The following KCNH8 variants were observed in gnomAD, a reference collection of about 807,000 sequenced individuals.
KCNH8 encodes potassium voltage-gated channel subfamily H member 8.
A neutral mutation model predicts 103.6 loss-of-function variants in KCNH8; 70 were observed. That is an observed-to-expected ratio of 0.68 (90% CI 0.56 to 0.82). KCNH8 has a LOEUF of 0.82. Ranked by LOEUF, KCNH8 falls within the 40% of genes least tolerant of loss-of-function variation. The pLI, the probability that KCNH8 is intolerant of heterozygous loss-of-function variation, is 0.00. For synonymous variants in KCNH8, 498 were observed against 489.4 expected, an observed-to-expected ratio of 1.02 and a Z score of -0.23; for missense variants, 1,217 against 1,329.9, an observed-to-expected ratio of 0.92 and a Z score of 1.32.
chr3:19,215,333 C>G (rs1035834936), intron 1 of KCNH8, among the ~76,000 whole-genome samples: 3 of 152,216 alleles, frequency 2.0e-5, no homozygotes, highest in African/African-American at 4.8e-5. Context: ...GCACCACACA[C>G]TAGCACTTAT....
intron 7 of KCNH8, among the ~76,000 whole-genome samples, chr3:19,437,251 G>T (rs1319984895): frequency 5.9e-5 from 9 of 151,930 alleles, no homozygotes; most frequent in Admixed American, 5.9e-4. Flanking sequence ...CATAGAGAAA[G>T]AATTATAAAA....
intron 2 of KCNH8, among the ~76,000 whole-genome samples, chr3:19,274,877 ACCCCT>A (rs375870094): frequency 8.7e-4 from 15 of 17,146 alleles, no homozygotes; most frequent in African/African-American, 5.5e-3. Context: ...TCCCCTCCCC[ACCCCT>A]CCCCTCCCCT....
rs1013300539 is a variant in KCNH8 at position 19,284,400 on chromosome 3, G to A, written c.442+3071G>A. 9.2e-5 allele frequency among the ~76,000 whole-genome samples: 14 copies of A among 152,080 alleles called. 1 individual carries two copies. Among genetic ancestry groups the A allele is most frequent in the Admixed American group, 2.0e-4 (3 of 15,244 alleles). On this transcript the variant is annotated intron_variant, in intron 3 of 15. Coordinates refer to ENST00000328405, the MANE Select transcript of KCNH8 (RefSeq NM_144633.3). ...GTTTTATAGAAGTGGCTAATGAGGT[G>A]TGGGATATAATATAGGCCTTTTATC...
intron 11 of KCNH8, among the ~76,000 whole-genome samples, chr3:19,459,271 G>T (rs1415525152): frequency 2.0e-5 from 3 of 150,608 alleles, no homozygotes; most frequent in Non-Finnish European, 3.0e-5. Flanking sequence ...CTTTGTTGTT[G>T]TTTTTTTTAA....
At chr3:19,438,032 AT>A (rs1329931765) in intron 7 of KCNH8, 131 bp from the exon 8 acceptor site, 7 of 731,092 alleles carry the variant, frequency 9.6e-6, no homozygotes, top group Non-Finnish European at 1.6e-5. Context: ...CTTGCCTTTA[AT>A]TTCCTTTTTA....
intron 1 of KCNH8, among the ~76,000 whole-genome samples, chr3:19,186,707 C>A (rs1343049380): frequency 6.6e-6 from 1 of 151,840 alleles, no homozygotes; most frequent in African/African-American, 2.4e-5. Context: ...GCAGATGTTA[C>A]GAAGTTCAAA....
chr3:19,148,556 C>T lies in KCNH8; in HGVS notation c.-164C>T. ...ACAGCCGGGGCGGCTGGAACTCTCT[C>T]CCTTTCTCCCTCCATCCTTCCACTT... On this transcript the variant is annotated 5_prime_UTR_variant, in exon 1 of 16. Coordinates refer to ENST00000328405, the MANE Select transcript of KCNH8 (RefSeq NM_144633.3). 1.5e-6 allele frequency: 1 copy of T among 676,876 alleles called. No individual in the cohort carries two copies. Among genetic ancestry groups the T allele is most frequent in the South Asian group, 1.7e-5 (1 of 57,322 alleles). 41.9% of individuals were successfully genotyped at this position (676,876 alleles called of 1,614,324 possible).
chr3:19,335,215 A>T (rs1190722103), intron 3 of KCNH8, among the ~76,000 whole-genome samples: 1 of 151,772 alleles, frequency 6.6e-6, no homozygotes, highest in Non-Finnish European at 1.5e-5. Flanking sequence ...TTACTGAGTT[A>T]TATGTAAAAT....
At chr3:19,363,741 C>T (rs1574970282) in intron 5 of KCNH8, among the ~76,000 whole-genome samples, 2 of 152,156 alleles carry the variant, frequency 1.3e-5, no homozygotes, top group African/African-American at 4.8e-5. Flanking sequence ...ATGTCTTTTT[C>T]TATCAGGGTA....
intron 2 of KCNH8, among the ~76,000 whole-genome samples, chr3:19,272,333 G>A (rs902927795): frequency 6.6e-6 from 1 of 151,888 alleles, no homozygotes; most frequent in African/African-American, 2.4e-5. Flanking sequence ...AAATATGAGA[G>A]GTAAACTATA....
intron 1 of KCNH8, among the ~76,000 whole-genome samples, chr3:19,173,568 G>T (rs954435315): frequency 3.3e-5 from 5 of 152,170 alleles, no homozygotes; most frequent in Middle Eastern, 3.4e-3. Flanking sequence ...TGCCCAGTTT[G>T]TAAGTTTCAT....
chr3:19,312,451 C>T (rs2065219644), intron 3 of KCNH8, among the ~76,000 whole-genome samples: 1 of 151,812 alleles, frequency 6.6e-6, no homozygotes, highest in South Asian at 2.1e-4. Flanking sequence ...AATACTCTCT[C>T]AGTCTTGGGC....
chr3:19,509,513 T>G (rs748998783), intron 11 of KCNH8, among the ~76,000 whole-genome samples: 4 of 152,202 alleles, frequency 2.6e-5, no homozygotes, highest in Non-Finnish European at 2.9e-5. Flanking sequence ...TTCCAGAGCT[T>G]CTTTATAATC....
At chr3:19,494,422 T>G (rs1442094965) in intron 11 of KCNH8, among the ~76,000 whole-genome samples, 1 of 152,180 alleles carries the variant, frequency 6.6e-6, no homozygotes, top group Admixed American at 6.5e-5. Flanking sequence ...AGCTCTCTCT[T>G]TGCCTGCTGT....
rs144936462 is a variant in KCNH8, at chr3:19,161,667, C to T, written c.76+12872C>T. 7.6e-4 allele frequency among the ~76,000 whole-genome samples: 115 copies of T among 152,140 alleles called. No individual in the cohort carries two copies. The South Asian group carries it at 0.013, about 17-fold the overall frequency. On this transcript the variant is annotated intron_variant, in intron 1 of 15. Transcript: ENST00000328405. ...TTGTTGTAAATTCAGTTTAAAAGGTCATTAAAGATAAAGGTATTAATTTTA... is the reference window on the plus strand; with the variant it reads ...TTGTTGTAAATTCAGTTTAAAAGGTTATTAAAGATAAAGGTATTAATTTTA...
At chr3:19,453,229 G>A (rs900987835) in intron 10 of KCNH8, among the ~76,000 whole-genome samples, 3 of 152,082 alleles carry the variant, frequency 2.0e-5, no homozygotes, top group Non-Finnish European at 4.4e-5. Context: ...GGGCGTGAGG[G>A]ATGAAAATAA....
chr3:19,366,319 C>T (rs1035193641), intron 5 of KCNH8, among the ~76,000 whole-genome samples: 2 of 151,982 alleles, frequency 1.3e-5, no homozygotes, highest in Admixed American at 1.3e-4. Flanking sequence ...GGATTCAAAA[C>T]TTATTTCACA....
chr3:19,163,365 T>C (rs565392649), intron 1 of KCNH8, among the ~76,000 whole-genome samples: 20 of 151,084 alleles, frequency 1.3e-4, no homozygotes, highest in Non-Finnish European at 2.7e-4. Context: ...ATCAATATAA[T>C]AAAACTAGTC....
chr3:19,533,643 A>C lies in KCNH8; in HGVS notation c.2868A>C (p.Ser956=), dbSNP rs2069209071. The part of the protein sequence containing the change: ...QAQLCSSNIT[S]DIWSVDPSSV... Reference sequence around the variant, plus strand: ...AACTTTGTAGCAGTAATATCACCTCAGACATTTGGAGTGTGGATCCCTCCT... The same window carrying C: ...AACTTTGTAGCAGTAATATCACCTCCGACATTTGGAGTGTGGATCCCTCCT... The change falls in exon 16 of 16, where the codon TCA becomes TCC. Residue 956 remains serine (S), a synonymous_variant. Transcript: ENST00000328405. 6.2e-7 allele frequency: 1 copy of C among 1,614,138 alleles called. No individual in the cohort carries two copies. The highest frequency in any genetic ancestry group is 8.5e-7 in the Non-Finnish European group (1 of 1,180,012).
Sources: gnomAD v4.1 joint callset for allele counts (sites outside exome capture counted in the v4.1 genomes callset) on GRCh38, gnomAD v4.1.1 for gene constraint, MANE v1.5 for transcripts, NCBI Gene and HGNC (gene_info 2026-07-23, HGNC 2026-07-21) for gene names.